ABCG2: variants seen among roughly 807,000 people sequenced by gnomAD.
The protein encoded by ABCG2 is broad substrate specificity ATP-binding cassette transporter ABCG2.
In ABCG2, 80 loss-of-function variants were observed where a neutral mutation model predicts 73.5. The ratio of observed to expected loss-of-function variants is 1.09; its 90% confidence interval spans 0.91 to 1.31. The LOEUF (loss-of-function observed/expected upper bound fraction) is 1.31, where lower values mean the gene tolerates loss of function less well. ABCG2 is among the 50% of genes most tolerant of loss of function. The pLI is 0.00. For synonymous variants in ABCG2, 269 were observed against 282.4 expected, an observed-to-expected ratio of 0.95 and a Z score of 0.48; for missense variants, 796 against 786.2, an observed-to-expected ratio of 1.01 and a Z score of -0.15.
chr4:88,133,524 T>G (rs1470935942), intron 2 of ABCG2, among the ~76,000 whole-genome samples: 1 of 152,096 alleles, frequency 6.6e-6, no homozygotes, highest in South Asian at 2.1e-4. Flanking sequence ...TATGAAGACG[T>G]GGTACATACA....
rs970471860 is a variant in ABCG2 at position 88,169,492 on chromosome 4, T to C, written c.-19-29478A>G. ...GTACAGTGTAATTTATTTATCTACT[T>C]TTGATGGGCCTTTGGGTCCTTTCCA... On this transcript the variant is annotated intron_variant, in intron 1 of 15. Coordinates refer to the ABCG2 transcript ENST00000515655. Among the ~76,000 whole-genome samples, 5 of 152,306 alleles carry C rather than the reference T, an allele frequency of 3.3e-5. No individual in the cohort carries two copies. In the South Asian group the frequency reaches 1.0e-3, roughly 32 times the overall value.
At chr4:88,174,260 T>C (rs34731996) in intron 1 of ABCG2, among the ~76,000 whole-genome samples, 35,956 of 151,770 alleles carry the variant, frequency 0.24, 5,619 homozygotes, top group African/African-American at 0.45. Context: ...CCTATCAACC[T>C]GTCATCTAGG....
chr4:88,224,188 G>A (rs183503462), intron 1 of ABCG2, among the ~76,000 whole-genome samples: 3 of 152,230 alleles, frequency 2.0e-5, no homozygotes, highest in African/African-American at 4.8e-5. Context: ...AGTGGCTCAC[G>A]CCTGTAATCC....
At chr4:88,132,496 C>T in intron 3 of ABCG2, 80 bp downstream of exon 3, 2 of 1,440,042 alleles carry the variant, frequency 1.4e-6, no homozygotes, top group Non-Finnish European at 2.0e-6. Flanking sequence ...TAAATACCTG[C>T]TCGCACACAA....
At chr4:88,158,996 A>G (rs1245617178), upstream of ABCG2, 1 of 360,354 alleles carries the variant, frequency 2.8e-6, no homozygotes, top group East Asian at 8.5e-5. Context: ...GGGCCGCGAT[A>G]AGCGCCCTGC....
At chr4:88,217,528 G>T (rs1261164347) in intron 1 of ABCG2, among the ~76,000 whole-genome samples, 3 of 152,090 alleles carry the variant, frequency 2.0e-5, no homozygotes, top group Non-Finnish European at 2.9e-5. Context: ...CAGGTGTGGT[G>T]GTGTGTGCCT....
intron 1 of ABCG2, among the ~76,000 whole-genome samples, chr4:88,216,886 CT>C (rs1383402567): frequency 1.3e-5 from 2 of 151,918 alleles, no homozygotes; most frequent in Admixed American, 1.3e-4. Flanking sequence ...CAAAAATTAG[CT>C]GGGCGTGGTG....
intron 11 of ABCG2, among the ~76,000 whole-genome samples, chr4:88,099,653 A>G (rs1466787937): frequency 6.6e-6 from 1 of 152,144 alleles, no homozygotes; most frequent in Admixed American, 6.5e-5. Context: ...AGCTCTGCGC[A>G]CAGCCCCTCT....
chr4:88,134,912 A>G (rs1725138438), intron 2 of ABCG2, among the ~76,000 whole-genome samples: 1 of 152,178 alleles, frequency 6.6e-6, no homozygotes, highest in Admixed American at 6.5e-5. Context: ...AAAACAAACA[A>G]ACAAACGAAA....
chr4:88,158,059 A>G (rs1051190971), intron 1 of ABCG2, among the ~76,000 whole-genome samples: 2 of 152,212 alleles, frequency 1.3e-5, no homozygotes, highest in Non-Finnish European at 2.9e-5. Flanking sequence ...CTCCACCTAT[A>G]GTAACTTCTG....
chr4:88,128,130 T>C (rs1448066465), intron 5 of ABCG2, among the ~76,000 whole-genome samples: 2 of 152,116 alleles, frequency 1.3e-5, no homozygotes, highest in South Asian at 2.1e-4. Flanking sequence ...CAGACACTTC[T>C]CAAAAGAAGA....
intron 1 of ABCG2, among the ~76,000 whole-genome samples, chr4:88,156,902 C>G (rs538250108): frequency 2.6e-5 from 4 of 152,104 alleles, no homozygotes; most frequent in Non-Finnish European, 5.9e-5. Context: ...GTCAGGAGTT[C>G]GAGACCAGCC....
chr4:88,186,152 A>G (rs1728446398), intron 1 of ABCG2, among the ~76,000 whole-genome samples: 1 of 152,208 alleles, frequency 6.6e-6, no homozygotes, highest in African/African-American at 2.4e-5. Context: ...AAAATATGCT[A>G]CTTATACACA....
At chr4:88,147,360 G>A (rs1726130213) in intron 1 of ABCG2, among the ~76,000 whole-genome samples, 1 of 152,188 alleles carries the variant, frequency 6.6e-6, no homozygotes, top group Admixed American at 6.5e-5. Context: ...TAACAATTCA[G>A]CATTAAAACG....
chr4:88,111,591 T>C (rs1723136081), intron 9 of ABCG2, among the ~76,000 whole-genome samples: 1 of 152,172 alleles, frequency 6.6e-6, no homozygotes, highest in African/African-American at 2.4e-5. Flanking sequence ...ATTTTATATA[T>C]ACTTAAGTAT....
At chr4:88,186,750 T>C (rs1728472276) in intron 1 of ABCG2, among the ~76,000 whole-genome samples, 1 of 150,672 alleles carries the variant, frequency 6.6e-6, no homozygotes, top group Non-Finnish European at 1.5e-5. Flanking sequence ...AAACCCCGTC[T>C]CTACTAAAAA....
Position 88,102,966 on chromosome 4 carries a change from G to A in ABCG2, c.1278-1647C>T, listed in dbSNP as rs574707511. ...CCTCGGTCACCCAGGCTAGAGTATA[G>A]TGGCATGATCATAAACTCACTGCAA... On this transcript the variant is annotated intron_variant, in intron 10 of 15. Coordinates refer to ENST00000237612, the MANE Select transcript of ABCG2 (RefSeq NM_004827.3). 3.7e-4 allele frequency among the ~76,000 whole-genome samples: 56 copies of A among 152,230 alleles called. 1 individual carries two copies. The highest frequency in any genetic ancestry group is 1.3e-3 in the African/African-American group (54 of 41,532).
intron 1 of ABCG2, among the ~76,000 whole-genome samples, chr4:88,178,915 T>G (rs1728116631): frequency 1.3e-5 from 2 of 152,152 alleles, no homozygotes; most frequent in Non-Finnish European, 2.9e-5. Flanking sequence ...GGTTTCCAAC[T>G]GCAGTCCCTG....
intron 1 of ABCG2, among the ~76,000 whole-genome samples, chr4:88,152,875 C>G (rs1456688780): frequency 6.6e-6 from 1 of 151,616 alleles, no homozygotes; most frequent in African/African-American, 2.4e-5. Flanking sequence ...GGCGTGGGAA[C>G]CTAAAGTGGG....
Sources: gnomAD v4.1 joint callset for allele counts (sites outside exome capture counted in the v4.1 genomes callset) on GRCh38, gnomAD v4.1.1 for gene constraint, MANE v1.5 for transcripts, NCBI Gene and HGNC (gene_info 2026-07-23, HGNC 2026-07-21) for gene names.